The following TEX12 variants were observed in gnomAD, a reference collection of about 807,000 sequenced individuals.
TEX12 encodes the protein testis-expressed protein 12.
A neutral mutation model predicts 14.6 loss-of-function variants in TEX12; 7 were observed. That is an observed-to-expected ratio of 0.48 (90% CI 0.27 to 0.90). The LOEUF (loss-of-function observed/expected upper bound fraction) is 0.90. Ranked by LOEUF, TEX12 falls within the 40% of genes least tolerant of loss-of-function variation. TEX12 has a pLI of 0.12. For synonymous variants in TEX12, 57 were observed against 49.1 expected (o/e 1.16, Z -0.67); for missense variants, 121 against 135.7 (o/e 0.89, Z 0.54).
chr11:112,169,696 C>T (rs1196346778), intron 2 of TEX12, among the ~76,000 whole-genome samples: 1 of 152,152 alleles, frequency 6.6e-6, no homozygotes, highest in African/African-American at 2.4e-5. Flanking sequence ...TACTACTGCC[C>T]CCACCAGTTG....
At position 112,172,140 on chromosome 11, in the gene TEX12, G is replaced by A. The variant is rs186108348; in HGVS notation, c.*224G>A. ...TAAGCTGGCCATTAACATGAACTAC[G>A]TCACTTTTCTTTTGAGGGTCAAATA... On this transcript the variant is annotated 3_prime_UTR_variant, in exon 5 of 5. Transcript: ENST00000280358. 238 of 256,008 alleles carry A rather than the reference G, an allele frequency of 9.3e-4. 1 individual carries two copies. Among genetic ancestry groups the A allele is most frequent in the African/African-American group, 4.9e-3 (220 of 45,236 alleles). 15.9% of individuals were successfully genotyped at this position (256,008 alleles called of 1,614,324 possible). A position where few individuals can be genotyped will look rare whatever the true frequency, so the allele number is the denominator to read the frequency against.
At chr11:112,168,697 G>A (rs772493378) in intron 1 of TEX12, among the ~76,000 whole-genome samples, 54 of 151,966 alleles carry the variant, frequency 3.6e-4, no homozygotes, top group Non-Finnish European at 1.8e-4. Flanking sequence ...GATTACAGGC[G>A]CCTGCCACCA....
intron 1 of TEX12, 32 bp from the exon 2 acceptor site, chr11:112,169,221 A>G (rs1866761966): frequency 6.9e-7 from 1 of 1,444,792 alleles, no homozygotes; most frequent in Non-Finnish European, 9.7e-7. Flanking sequence ...TGGAGTTTGT[A>G]CCTAAATCTG....
chr11:112,171,591 A>G (rs1311622767), intron 4 of TEX12, among the ~76,000 whole-genome samples, 181 bp from the exon 5 acceptor site: 1 of 151,950 alleles, frequency 6.6e-6, no homozygotes, highest in Non-Finnish European at 1.5e-5. Flanking sequence ...GACCTTTTTG[A>G]GTAGTCAAAA....
intron 2 of TEX12, 125 bp downstream of exon 2, chr11:112,169,456 T>C (rs1412165560): frequency 2.8e-6 from 2 of 726,846 alleles, no homozygotes; most frequent in African/African-American, 1.8e-5. Context: ...AGAGCTAGGA[T>C]TGTCCTACAA....
chr11:112,169,654 G>A (rs1247381259), intron 2 of TEX12, among the ~76,000 whole-genome samples: 4 of 152,164 alleles, frequency 2.6e-5, no homozygotes, highest in African/African-American at 9.7e-5. Flanking sequence ...TATAGTTACT[G>A]ATCTTTTTAA....
rs1866763041 is a variant in TEX12 at position 112,169,284 on chromosome 11, C to T, written c.16C>T (p.Leu6Phe). Residue 6 changes from leucine (L) to phenylalanine (F), a missense_variant, in exon 2 of 5, where the codon CTT (leucine) becomes TTT (phenylalanine). Leu to Phe is a conservative substitution (Grantham distance 22). Transcript: ENST00000280358. ...CCTTCGGAATATGATGGCAAATCAC[C>T]TTGTAAAGCCTGATAATAGAAATTG... MMANH[L>F]VKPDNRNCKR... 1 of 1,613,830 alleles carries T rather than the reference C, an allele frequency of 6.2e-7. No individual in the cohort carries two copies. Among genetic ancestry groups the T allele is most frequent in the African/African-American group, 1.3e-5 (1 of 75,020 alleles).
intron 1 of TEX12, among the ~76,000 whole-genome samples, chr11:112,168,670 G>A (rs2135333684): frequency 6.6e-6 from 1 of 152,012 alleles, no homozygotes; most frequent in Non-Finnish European, 1.5e-5. Flanking sequence ...TCTCACCTCA[G>A]CTTCCCAAGT....
chr11:112,171,192 TACATAG>T (rs1866786305), intron 4 of TEX12, among the ~76,000 whole-genome samples: 1 of 152,114 alleles, frequency 6.6e-6, no homozygotes, highest in Admixed American at 6.5e-5. Flanking sequence ...AACAACTGTT[TACATAG>T]CATTTACATG....
chr11:112,171,336 C>G (rs1229867827), intron 4 of TEX12, among the ~76,000 whole-genome samples: 3 of 151,912 alleles, frequency 2.0e-5, no homozygotes, highest in Non-Finnish European at 4.4e-5. Flanking sequence ...CCTTTGGTAT[C>G]TGTGGGGGAT....
rs1454593373 is a variant in TEX12 at position 112,171,908 on chromosome 11, C to T, written c.364C>T (p.His122Tyr). The change falls in exon 5 of 5, where the codon CAC becomes TAC. Residue 122 changes from histidine (H) to tyrosine (Y), a missense_variant. Physicochemically the swap from His to Tyr is moderately conservative, Grantham distance 83. Coordinates refer to ENST00000280358, the MANE Select transcript of TEX12 (RefSeq NM_031275.4). Reference protein sequence around the residue: ...QRFTVIANTLHR With the variant: ...QRFTVIANTLYR ...GTTTACAGTGATTGCAAACACATTA[C>T]ACAGATAAAATATATACTTGAAATA... 6.6e-7 allele frequency: 1 copy of T among 1,523,936 alleles called. No individual in the cohort carries two copies. 94.4% of individuals were successfully genotyped at this position (1,523,936 alleles called of 1,614,324 possible).
intron 1 of TEX12, among the ~76,000 whole-genome samples, chr11:112,168,921 A>G (rs1017671476): frequency 2.6e-5 from 4 of 152,232 alleles, no homozygotes; most frequent in African/African-American, 9.6e-5. Context: ...TCATTTGGCT[A>G]AGTACATAGA....
In TEX12 at chr11:112,171,318, G is replaced by A. The variant is rs117662946; in HGVS notation, c.228-454G>A. ...ATATAAGGGACTTGAATATCTATGAGGGATGTTCCTTTGGTATCTGTGGGG... is the reference window on the plus strand; with the variant it reads ...ATATAAGGGACTTGAATATCTATGAAGGATGTTCCTTTGGTATCTGTGGGG... On this transcript the variant is annotated intron_variant, in intron 4 of 4. Transcript: ENST00000280358. Among the ~76,000 whole-genome samples, 9 of 152,086 alleles carry A rather than the reference G, an allele frequency of 5.9e-5. No individual in the cohort carries two copies. In the East Asian group the frequency reaches 1.5e-3, roughly 26 times the overall value.
Position 112,170,447 on chromosome 11 carries a change from C to G in TEX12, c.92C>G (p.Ser31Cys). Residue 31 changes from serine (S) to cysteine (C), a missense_variant, in exon 3 of 5, where the codon TCC becomes TGC. Coordinates refer to ENST00000280358, the MANE Select transcript of TEX12 (RefSeq NM_031275.4). ...CCAGTGCCAGATAGTCCACAGCTGT[C>G]CTCTCTTGGAAAATCAGATTCATCT... Reference protein sequence around the residue: ...ESPVPDSPQLSSLGKSDSSFS... With the variant: ...ESPVPDSPQLCSLGKSDSSFS... 6.2e-7 allele frequency: 1 copy of G among 1,613,496 alleles called. No homozygotes were observed. Among genetic ancestry groups the G allele is most frequent in the Non-Finnish European group, 8.5e-7 (1 of 1,179,638 alleles).
intron 2 of TEX12, among the ~76,000 whole-genome samples, chr11:112,169,752 A>G (rs1349959241): frequency 6.6e-6 from 1 of 152,204 alleles, no homozygotes; most frequent in African/African-American, 2.4e-5. Context: ...AGATTATATT[A>G]TTTAGCAAAA....
intron 1 of TEX12, among the ~76,000 whole-genome samples, chr11:112,168,399 A>C (rs543179974): frequency 6.6e-6 from 1 of 152,248 alleles, no homozygotes; most frequent in Non-Finnish European, 1.5e-5. Flanking sequence ...ATAACCTCAG[A>C]CTCGAGTGAG....
At position 112,171,976 on chromosome 11, in the gene TEX12, C is replaced by A; in HGVS notation, c.*60C>A. 1 of 1,270,418 alleles carries A rather than the reference C, an allele frequency of 7.9e-7. No individual in the cohort carries two copies. Among genetic ancestry groups the A allele is most frequent in the Non-Finnish European group, 1.0e-6 (1 of 967,328 alleles). 78.7% of individuals were successfully genotyped at this position (1,270,418 alleles called of 1,614,324 possible). A position where few individuals can be genotyped will look rare whatever the true frequency, so the allele number is the denominator to read the frequency against. On this transcript the variant is annotated 3_prime_UTR_variant, in exon 5 of 5. Transcript: ENST00000280358. Reference sequence around the variant, plus strand: ...TATTATTGTTATAATGAAAGAATGACATTTATGCTTTGAAAGCTCTCGAGT... The same window carrying A: ...TATTATTGTTATAATGAAAGAATGAAATTTATGCTTTGAAAGCTCTCGAGT...
At position 112,169,304 on chromosome 11, in the gene TEX12, A is replaced by G. The variant is rs360712; in HGVS notation, c.36A>G (p.Arg12=). The G allele has an allele frequency of 0.25, 395,620 of 1,611,342 alleles. 50,407 individuals are homozygous for G. The highest frequency in any genetic ancestry group is 0.29 in the Admixed American group (17,376 of 59,942). Residue 12 remains arginine (R), a synonymous_variant, in exon 2 of 5, where the codon AGA becomes AGG. Coordinates refer to ENST00000280358, the MANE Select transcript of TEX12 (RefSeq NM_031275.4). ...ATCACCTTGTAAAGCCTGATAATAG[A>G]AATTGCAAGAGGCCAAGAGAATTGG... ...MANHLVKPDN[R]NCKRPRELES... is the part of the protein sequence containing the mutation.
Position 112,171,753 on chromosome 11 carries a change from C to A in TEX12, c.228-19C>A. On this transcript the variant is annotated intron_variant, in intron 4 of 4. Coordinates refer to ENST00000280358, the MANE Select transcript of TEX12 (RefSeq NM_031275.4). Reference sequence around the variant, plus strand: ...GTTTATATCTACTTAGTTTAATATACAACTTTTTTTCCTATTAGTGAGAGA... The same window carrying A: ...GTTTATATCTACTTAGTTTAATATAAAACTTTTTTTCCTATTAGTGAGAGA... The A allele has an allele frequency of 6.9e-7, 1 of 1,459,836 alleles. No homozygotes were observed. The highest frequency in any genetic ancestry group is 9.1e-7 in the Non-Finnish European group (1 of 1,098,040). 90.4% of individuals were successfully genotyped at this position (1,459,836 alleles called of 1,614,324 possible).
Sources: allele counts gnomAD v4.1 joint callset (sites outside exome capture counted in the v4.1 genomes callset), GRCh38; gene constraint gnomAD v4.1.1; transcripts MANE v1.5; gene names NCBI Gene and HGNC (gene_info 2026-07-23, HGNC 2026-07-21).